The following RBBP8 variants were observed in gnomAD, a reference collection of about 807,000 sequenced individuals.
RBBP8 encodes DNA endonuclease RBBP8.
In RBBP8, 88 loss-of-function variants were observed where a neutral mutation model predicts 108.3. The ratio of observed to expected loss-of-function variants is 0.81; its 90% CI spans 0.68 to 0.97. The LOEUF is 0.97. Ranked by LOEUF, RBBP8 falls within the 50% of genes least tolerant of loss-of-function variation. RBBP8 has a pLI of 0.00. For synonymous variants in RBBP8, 332 were observed against 348.2 expected (o/e 0.95, Z 0.52); for missense variants, 1,023 against 1,049.0 (o/e 0.98, Z 0.34).
chr18:23,018,970 T>C (rs976469167), intron 17 of RBBP8, among the ~76,000 whole-genome samples: 10 of 152,234 alleles, frequency 6.6e-5, no homozygotes, highest in Admixed American at 6.5e-4. Flanking sequence ...ATTAAAATTA[T>C]ATGTGAAAGT....
intron 5 of RBBP8, 88 bp from the exon 6 acceptor site, chr18:22,975,065 C>A (rs1312139600): frequency 7.1e-6 from 10 of 1,411,286 alleles, no homozygotes; most frequent in Non-Finnish European, 9.6e-6. Context: ...CTAATTTCTT[C>A]ATACATGCTG....
chr18:22,916,205 C>T (rs1296180521), intron 2 of RBBP8, among the ~76,000 whole-genome samples: 4 of 152,060 alleles, frequency 2.6e-5, no homozygotes, highest in African/African-American at 9.7e-5. Context: ...CCTAGCTGCA[C>T]AATTTCGCAT....
intron 4 of RBBP8, among the ~76,000 whole-genome samples, chr18:22,960,835 T>TA (rs1377683755): frequency 3.3e-5 from 5 of 152,192 alleles, no homozygotes; most frequent in African/African-American, 1.2e-4. Flanking sequence ...ATATCACAAC[T>TA]ATATAGAGAA....
chr18:22,981,088 C>T (rs1914896265), intron 6 of RBBP8, among the ~76,000 whole-genome samples: 1 of 148,306 alleles, frequency 6.7e-6, no homozygotes, highest in African/African-American at 2.5e-5. Flanking sequence ...TCTCCTGCCT[C>T]AGTCTCCCGG....
chr18:23,024,421 C>T lies in RBBP8; in HGVS notation c.2597-1722C>T, dbSNP rs755738367. 7.2e-5 allele frequency among the ~76,000 whole-genome samples: 11 copies of T among 152,246 alleles called. No individual in the cohort carries two copies. The South Asian group carries it at 8.3e-4, about 11-fold the overall frequency. On this transcript the variant is annotated intron_variant, in intron 18 of 18. Transcript: ENST00000327155. ...GACATTACATGTGTACAGTTTATTA[C>T]ATACCAAGTGTACTTGAATGAAGCT...
At chr18:22,974,565 G>A (rs550087439) in intron 5 of RBBP8, among the ~76,000 whole-genome samples, 86 of 152,232 alleles carry the variant, frequency 5.6e-4, no homozygotes, top group African/African-American at 2.0e-3. Flanking sequence ...AGGTTCAAAT[G>A]ATTCTCCTGC....
Position 23,026,195 on chromosome 18 carries a change from T to G in RBBP8, c.2649T>G (p.Pro883=). 6.2e-7 allele frequency: 1 copy of G among 1,613,870 alleles called. No individual in the cohort carries two copies. Among genetic ancestry groups the G allele is most frequent in the Non-Finnish European group, 8.5e-7 (1 of 1,179,836 alleles). The change falls in exon 19 of 19, where the codon CCT becomes CCG. Residue 883 remains proline (P), a synonymous_variant. Coordinates refer to ENST00000327155, the MANE Select transcript of RBBP8 (RefSeq NM_002894.3). ...DPCPRPKRRQ[P]YNAIFSPKGK... ...GTCCTCGTCCAAAAAGACGTCAGCC[T>G]TACAACGCAATATTTTCTCCAAAAG...
At chr18:22,962,013 G>GC (rs1159384793) in intron 4 of RBBP8, among the ~76,000 whole-genome samples, 2 of 152,252 alleles carry the variant, frequency 1.3e-5, no homozygotes, top group East Asian at 3.9e-4. Context: ...TCTTTTCTGT[G>GC]CTTAAACATG....
intron 3 of RBBP8, among the ~76,000 whole-genome samples, chr18:22,922,586 T>C (rs1322986795): frequency 6.6e-6 from 1 of 152,070 alleles, no homozygotes; most frequent in East Asian, 1.9e-4. Flanking sequence ...CCTCAGCCTA[T>C]GGAGTAGCTC....
At position 23,001,582 on chromosome 18, in the gene RBBP8, A is replaced by G. The variant is rs201283545; in HGVS notation, c.2144-4A>G. On this transcript the variant is annotated splice_polypyrimidine_tract_variant and splice_region_variant and intron_variant, in intron 14 of 18. Coordinates refer to ENST00000327155, the MANE Select transcript of RBBP8 (RefSeq NM_002894.3). ...TTGCCCTAAGCCAGTGCTCTTTTAC[A>G]TAGATGAAGAAAGAAAAATGAATGA... 1 of 1,614,120 alleles carries G rather than the reference A, an allele frequency of 6.2e-7. No homozygotes were observed. Among genetic ancestry groups the G allele is most frequent in the Non-Finnish European group, 8.5e-7 (1 of 1,180,012 alleles).
At position 22,982,389 on chromosome 18, in the gene RBBP8, A is replaced by G. The variant is rs1228505663; in HGVS notation, c.600A>G (p.Ala200=). The part of the protein sequence containing the change: ...THTKLEHSVC[A]NEMRKVSKSS... Reference sequence around the variant, plus strand: ...CTAAATTGGAGCACTCTGTGTGTGCAAATGGTAAGAGTTGGAGTTGTATTT... The same window carrying G: ...CTAAATTGGAGCACTCTGTGTGTGCGAATGGTAAGAGTTGGAGTTGTATTT... The change falls in exon 7 of 19, where the codon GCA becomes GCG. Residue 200 remains alanine (A), a synonymous_variant. Coordinates refer to ENST00000327155, the MANE Select transcript of RBBP8 (RefSeq NM_002894.3). The G allele has an allele frequency of 6.2e-7, 1 of 1,613,982 alleles. No individual in the cohort carries two copies.
intron 17 of RBBP8, among the ~76,000 whole-genome samples, chr18:23,021,131 G>C (rs1391971620): frequency 6.6e-6 from 1 of 152,108 alleles, no homozygotes; most frequent in African/African-American, 2.4e-5. Context: ...TTAAATATGT[G>C]ATTCTGGGTG....
At chr18:22,949,361 A>G (rs1210472610) in intron 3 of RBBP8, among the ~76,000 whole-genome samples, 1 of 152,230 alleles carries the variant, frequency 6.6e-6, no homozygotes, top group Non-Finnish European at 1.5e-5. Context: ...ATGCAAAATA[A>G]TAAAATAATG....
intron 15 of RBBP8, 140 bp downstream of exon 15, chr18:23,001,869 A>T: frequency 1.6e-6 from 2 of 1,244,646 alleles, no homozygotes; most frequent in Non-Finnish European, 2.2e-6. Flanking sequence ...TCAGGTTTTT[A>T]AAATTTTGAG....
intron 15 of RBBP8, among the ~76,000 whole-genome samples, chr18:23,004,284 TAC>T (rs921462631): frequency 2.0e-5 from 3 of 149,882 alleles, no homozygotes; most frequent in African/African-American, 5.0e-5. Flanking sequence ...TATATATATA[TAC>T]ACACACACAC....
At chr18:23,022,671 A>AATAAAATAAAATAAAATAAAAAAATAAG (rs71161358) in intron 18 of RBBP8, among the ~76,000 whole-genome samples, 1 of 146,762 alleles carries the variant, frequency 6.8e-6, no homozygotes, top group African/African-American at 2.6e-5. Flanking sequence ...AATAAAATAA[A>AATAAAATAAAATAAAATAAAAAAATAAG]TAACTGTATA....
intron 15 of RBBP8, among the ~76,000 whole-genome samples, chr18:23,003,910 A>C (rs537933898): frequency 1.3e-5 from 2 of 152,060 alleles, no homozygotes; most frequent in Admixed American, 1.3e-4. Flanking sequence ...CAAAAAAATT[A>C]ACCGGGCATG....
chr18:22,922,918 T>A (rs1444729170), intron 3 of RBBP8, among the ~76,000 whole-genome samples: 3 of 152,208 alleles, frequency 2.0e-5, no homozygotes. Flanking sequence ...ACTATCTAAC[T>A]TACCTGAACT....
chr18:23,022,658 T>TAAAAAATAAA (rs1234771238), intron 18 of RBBP8, among the ~76,000 whole-genome samples: 1 of 83,760 alleles, frequency 1.2e-5, no homozygotes, highest in African/African-American at 3.3e-5. Flanking sequence ...CAATATAAAA[T>TAAAAAATAAA]AAAATAAAAT....
Sources: gnomAD v4.1 joint callset for allele counts (sites outside exome capture counted in the v4.1 genomes callset) on GRCh38, gnomAD v4.1.1 for gene constraint, MANE v1.5 for transcripts, NCBI Gene and HGNC (gene_info 2026-07-23, HGNC 2026-07-21) for gene names.